The following ADAMTSL1 variants were observed in gnomAD, a reference collection of about 807,000 sequenced individuals.
ADAMTSL1 encodes ADAMTS-like protein 1.
ADAMTSL1 carries 126 observed loss-of-function variants against 201.8 expected under a neutral mutation model. The ratio of observed to expected loss-of-function variants is 0.62; its 90% CI spans 0.54 to 0.72. ADAMTSL1 has a LOEUF of 0.72. ADAMTSL1 is among the 30% of genes least tolerant of loss of function. ADAMTSL1 has a pLI of 0.00. For missense variants in ADAMTSL1, 2,679 were observed against 2,277.8 expected, an observed-to-expected ratio of 1.18 and a Z score of -3.59; for synonymous variants, 1,121 against 903.4, an observed-to-expected ratio of 1.24 and a Z score of -4.32.
intron 2 of ADAMTSL1, among the ~76,000 whole-genome samples, chr9:18,277,243 T>C (rs1832621006): frequency 6.6e-6 from 1 of 152,216 alleles, no homozygotes; most frequent in Admixed American, 6.5e-5. Flanking sequence ...ATTCTGCATA[T>C]GTGTGTTAAG....
At chr9:17,928,732 A>G (rs776778795) in intron 1 of ADAMTSL1, among the ~76,000 whole-genome samples, 27 of 152,168 alleles carry the variant, frequency 1.8e-4, no homozygotes, top group Non-Finnish European at 2.9e-4. Flanking sequence ...TGACAGAGCA[A>G]GATCCTATCT....
At chr9:18,697,660 G>C (rs1330275450) in intron 13 of ADAMTSL1, among the ~76,000 whole-genome samples, 1 of 152,188 alleles carries the variant, frequency 6.6e-6, no homozygotes, top group African/African-American at 2.4e-5. Flanking sequence ...AAGTAAATGA[G>C]TTTATATATA....
intron 1 of ADAMTSL1, among the ~76,000 whole-genome samples, chr9:18,091,068 C>CGTGTGT (rs200331047): frequency 6.8e-5 from 10 of 147,642 alleles, no homozygotes; most frequent in African/African-American, 2.0e-4. Flanking sequence ...TGTGTATATG[C>CGTGTGT]ATGTGTGTGT....
chr9:17,963,152 T>C (rs1817827003), intron 1 of ADAMTSL1, among the ~76,000 whole-genome samples: 1 of 152,240 alleles, frequency 6.6e-6, no homozygotes, highest in Non-Finnish European at 1.5e-5. Flanking sequence ...TCTAGCTCCC[T>C]TTCTGAGGCT....
intron 21 of ADAMTSL1, among the ~76,000 whole-genome samples, chr9:18,818,902 A>C (rs191522416): frequency 6.6e-6 from 1 of 152,292 alleles, no homozygotes; most frequent in East Asian, 1.9e-4. Context: ...CAGCCTCATC[A>C]GTGAAATCTA....
chr9:18,809,300 G>A (rs1823358151), intron 20 of ADAMTSL1, among the ~76,000 whole-genome samples: 2 of 152,180 alleles, frequency 1.3e-5, no homozygotes, highest in Non-Finnish European at 2.9e-5. Context: ...AGACCTGAAC[G>A]ACCGGAAGAG....
intron 2 of ADAMTSL1, among the ~76,000 whole-genome samples, chr9:18,310,394 A>AC (rs1563877132): frequency 7.1e-6 from 1 of 140,970 alleles, no homozygotes. Flanking sequence ...AAAAAAAAAA[A>AC]AAAAACTATC....
intron 2 of ADAMTSL1, among the ~76,000 whole-genome samples, chr9:18,399,639 C>T (rs915033311): frequency 6.6e-6 from 1 of 152,016 alleles, no homozygotes; most frequent in African/African-American, 2.4e-5. Context: ...GCATGAGCCA[C>T]CGCACCTGGC....
intron 1 of ADAMTSL1, among the ~76,000 whole-genome samples, chr9:18,011,233 C>G (rs914776359): frequency 2.6e-5 from 4 of 151,958 alleles, no homozygotes; most frequent in Non-Finnish European, 4.4e-5. Context: ...GAAAGTAATT[C>G]AAGAGTTAAT....
chr9:18,771,300 C>T (rs1422938803), intron 17 of ADAMTSL1, among the ~76,000 whole-genome samples: 2 of 152,240 alleles, frequency 1.3e-5, no homozygotes, highest in Admixed American at 1.3e-4. Flanking sequence ...ACTTCAACTG[C>T]TTCCTATCAA....
At chr9:18,823,624 CTCAAAGGAAG>C (rs1824350365) in intron 21 of ADAMTSL1, among the ~76,000 whole-genome samples, 1 of 152,152 alleles carries the variant, frequency 6.6e-6, no homozygotes, top group African/African-American at 2.4e-5. Context: ...CACAGCCCTC[CTCAAAGGAAG>C]ATGCAGGCAG....
At chr9:18,754,118 C>A (rs1819613420) in intron 16 of ADAMTSL1, among the ~76,000 whole-genome samples, 1 of 152,036 alleles carries the variant, frequency 6.6e-6, no homozygotes, top group Non-Finnish European at 1.5e-5. Context: ...TGGAACACAC[C>A]CATTATTTTA....
At chr9:18,872,550 T>C (rs1827929340) in intron 23 of ADAMTSL1, among the ~76,000 whole-genome samples, 1 of 152,180 alleles carries the variant, frequency 6.6e-6, no homozygotes, top group African/African-American at 2.4e-5. Flanking sequence ...TGCATCCTCA[T>C]AGCTCAGCTC....
intron 1 of ADAMTSL1, among the ~76,000 whole-genome samples, chr9:17,998,832 C>G (rs187909608): frequency 2.0e-5 from 3 of 151,962 alleles, no homozygotes; most frequent in Non-Finnish European, 4.4e-5. Context: ...TGTTTTATCT[C>G]CTGGATGCCT....
At chr9:18,076,371 CT>C (rs1823225589) in intron 1 of ADAMTSL1, among the ~76,000 whole-genome samples, 1 of 152,192 alleles carries the variant, frequency 6.6e-6, no homozygotes, top group Non-Finnish European at 1.5e-5. Flanking sequence ...GTAAATACCA[CT>C]GATACAGTTC....
At chr9:18,185,197 A>T (rs1318704885) in intron 2 of ADAMTSL1, among the ~76,000 whole-genome samples, 1 of 152,126 alleles carries the variant, frequency 6.6e-6, no homozygotes, top group Non-Finnish European at 1.5e-5. Context: ...CCAATAGAAT[A>T]TGGCAAAGAC....
chr9:18,477,278 C>A (rs185358553), intron 1 of ADAMTSL1, among the ~76,000 whole-genome samples: 1 of 152,262 alleles, frequency 6.6e-6, no homozygotes, highest in African/African-American at 2.4e-5. Flanking sequence ...CCTTTTGTTT[C>A]TTTTAAACGG....
rs193290130 is a variant in ADAMTSL1, at chr9:18,315,258, A to G, written c.207+151277A>G. On this transcript the variant is annotated intron_variant, in intron 2 of 29. Transcript: ENST00000680146. ...CTGACTGGTGCATTTACAATCCTCC[A>G]GGTAGACATAAAAGTTCTTCAAGTC... Among the ~76,000 whole-genome samples the G allele has an allele frequency of 1.5e-3, 234 of 152,274 alleles. 1 individual carries two copies. Among genetic ancestry groups the G allele is most frequent in the Non-Finnish European group, 2.3e-3 (154 of 68,042 alleles).
chr9:18,838,478 T>C (rs1358222083), intron 23 of ADAMTSL1, among the ~76,000 whole-genome samples: 2 of 151,354 alleles, frequency 1.3e-5, no homozygotes, highest in East Asian at 3.9e-4. Context: ...GCCTGGAGTT[T>C]CCTCAGAATT....
Sources: allele counts gnomAD v4.1 joint callset (sites outside exome capture counted in the v4.1 genomes callset), GRCh38; gene constraint gnomAD v4.1.1; transcripts MANE v1.5; gene names NCBI Gene and HGNC (gene_info 2026-07-23, HGNC 2026-07-21).